Variants in FUT8 observed in about 807,000 individuals in gnomAD.
FUT8 encodes the protein alpha-(1,6)-fucosyltransferase.
A neutral mutation model predicts 71.3 loss-of-function variants in FUT8; 29 were observed. The observed-to-expected ratio is 0.41, with a 90% CI of 0.30 to 0.55. The LOEUF is 0.55. FUT8 is among the 20% of genes least tolerant of loss of function. The pLI is 0.34. For synonymous variants in FUT8, 254 were observed against 239.3 expected (o/e 1.06, Z -0.57); for missense variants, 544 against 702.1 (o/e 0.77, Z 2.55).
rs939324299 is a variant in FUT8 at position 65,603,963 on chromosome 14, A to G, written c.204-12015A>G. Among the ~76,000 whole-genome samples the G allele has an allele frequency of 1.5e-4, 23 of 151,796 alleles. No homozygotes were observed. The highest frequency in any genetic ancestry group is 1.5e-5 in the Non-Finnish European group (1 of 67,898). On this transcript the variant is annotated intron_variant, in intron 3 of 10. Transcript: ENST00000673929. The surrounding 1 kb of genome is among the most constrained non-coding windows in gnomAD (Gnocchi z 4.5). ...AGCGAGCAGGAGTAGCTATTCTTAC[A>G]TCAGACAAAACAAAAAACAACAGCA...
chr14:65,729,861 A>T lies in FUT8; in HGVS notation c.1260-3370A>T, dbSNP rs565908292. ...GGTAGTCCAGGCAGCAATTTTCTCC[A>T]TATTCTGTTATAAATATAGTAGTAG... is the stretch of plus-strand genomic sequence containing the variant. On this transcript the variant is annotated intron_variant, in intron 9 of 10. Coordinates refer to ENST00000673929, the MANE Select transcript of FUT8 (RefSeq NM_001371533.1). Among the ~76,000 whole-genome samples, 4 of 152,082 alleles carry T rather than the reference A, an allele frequency of 2.6e-5. No individual in the cohort carries two copies. The South Asian group carries it at 8.3e-4, about 32-fold the overall frequency.
intron 2 of FUT8, among the ~76,000 whole-genome samples, chr14:65,461,077 T>C (rs1397640270): frequency 6.6e-6 from 1 of 152,218 alleles, no homozygotes; most frequent in Non-Finnish European, 1.5e-5. Context: ...AGCAGAAATT[T>C]ATTCTTTCAG....
At chr14:65,411,047 A>G (rs1024925538), upstream of FUT8, 2 of 152,262 alleles carry the variant, frequency 1.3e-5, no homozygotes, top group East Asian at 3.8e-4. Context: ...TTAATCCCAC[A>G]TAAGTCTAAA....
At chr14:65,487,225 A>T (rs1712531565) in intron 2 of FUT8, among the ~76,000 whole-genome samples, 1 of 152,146 alleles carries the variant, frequency 6.6e-6, no homozygotes, top group East Asian at 1.9e-4. Flanking sequence ...AGGAGGGGAG[A>T]ATTGATCATG....
At chr14:65,633,440 C>A (rs1890326077) in intron 6 of FUT8, among the ~76,000 whole-genome samples, 1 of 151,522 alleles carries the variant, frequency 6.6e-6, no homozygotes, top group African/African-American at 2.4e-5. Context: ...CTGGCCGCCA[C>A]CCCGTCTGGG....
chr14:65,654,318 G>A (rs918342933), intron 6 of FUT8, among the ~76,000 whole-genome samples: 1 of 152,188 alleles, frequency 6.6e-6, no homozygotes, highest in South Asian at 2.1e-4. Context: ...GCCAGGCACG[G>A]TGGAGCACGC....
At chr14:65,621,913 C>A (rs1393700096) in intron 5 of FUT8, among the ~76,000 whole-genome samples, 2 of 152,134 alleles carry the variant, frequency 1.3e-5, no homozygotes, top group Admixed American at 1.3e-4. Context: ...CAACCTCCGC[C>A]TCCCAGGTTC....
intron 2 of FUT8, among the ~76,000 whole-genome samples, chr14:65,516,922 G>T (rs1336163394): frequency 6.7e-6 from 1 of 150,102 alleles, no homozygotes; most frequent in African/African-American, 2.5e-5. Flanking sequence ...CTCTCTCTCT[G>T]ATTTTGACTA....
intron 3 of FUT8, among the ~76,000 whole-genome samples, chr14:65,576,739 A>C (rs1316911581): frequency 2.8e-5 from 2 of 70,794 alleles, no homozygotes; most frequent in South Asian, 9.7e-4. Flanking sequence ...TTTTTTTTTG[A>C]GACAGAGTCT....
chr14:65,509,139 CA>C (rs1882170316), intron 2 of FUT8, among the ~76,000 whole-genome samples: 1 of 152,036 alleles, frequency 6.6e-6, no homozygotes, highest in African/African-American at 2.4e-5. Flanking sequence ...CATTCTTCTG[CA>C]TATATATATC....
In FUT8 at chr14:65,472,932, A is replaced by G. The variant is rs1444989702; in HGVS notation, c.-228+17214A>G. On this transcript the variant is annotated intron_variant, in intron 2 of 10. Coordinates refer to ENST00000673929, the MANE Select transcript of FUT8 (RefSeq NM_001371533.1). The surrounding 1 kb of genome is among the most constrained non-coding windows in gnomAD (Gnocchi z 4.4). ...TAAGATATAATTTTATTTTCTTTAG[A>G]AAACTTTACATTGAAAAGATCACAT... Among the ~76,000 whole-genome samples, 1 of 152,168 alleles carries G rather than the reference A, an allele frequency of 6.6e-6. No individual in the cohort carries two copies. The highest frequency in any genetic ancestry group is 1.5e-5 in the Non-Finnish European group (1 of 68,022).
intron 2 of FUT8, among the ~76,000 whole-genome samples, chr14:65,477,697 C>T (rs1436741460): frequency 2.0e-5 from 3 of 151,892 alleles, no homozygotes; most frequent in Non-Finnish European, 4.4e-5. Context: ...AATTCTGGCA[C>T]GGGTTAGATT....
At chr14:65,576,960 C>G (rs1244051510) in intron 3 of FUT8, among the ~76,000 whole-genome samples, 1 of 151,724 alleles carries the variant, frequency 6.6e-6, no homozygotes, top group Non-Finnish European at 1.5e-5. Flanking sequence ...ACCTAGGCCT[C>G]CCAAAGTGCT....
rs146220911 is a variant in FUT8, at chr14:65,713,153, C to A, written c.836-8622C>A. Among the ~76,000 whole-genome samples the A allele has an allele frequency of 2.6e-5, 4 of 152,286 alleles. No individual in the cohort carries two copies. The East Asian group carries it at 7.7e-4, about 29-fold the overall frequency. On this transcript the variant is annotated intron_variant, in intron 7 of 10. Coordinates refer to ENST00000673929, the MANE Select transcript of FUT8 (RefSeq NM_001371533.1). ...GCTCCCACAAATAAGTGAGAACATG[C>A]CAAGTTTGTCTTTCTGTGCCTGGCT...
intron 2 of FUT8, among the ~76,000 whole-genome samples, chr14:65,465,912 T>C (rs2139605535): frequency 6.6e-6 from 1 of 152,382 alleles, no homozygotes; most frequent in Middle Eastern, 3.4e-3. Context: ...CTTGTAGTTC[T>C]ATCAGTTTTT....
At chr14:65,599,777 G>A (rs1888202003) in intron 3 of FUT8, among the ~76,000 whole-genome samples, 1 of 152,116 alleles carries the variant, frequency 6.6e-6, no homozygotes, top group Non-Finnish European at 1.5e-5. Context: ...GTGTGAATTG[G>A]CACATAACCA....
In FUT8 at chr14:65,638,026, A is replaced by G. The variant is rs914088299; in HGVS notation, c.597+8420A>G. Among the ~76,000 whole-genome samples the G allele has an allele frequency of 2.6e-5, 4 of 152,224 alleles. No homozygotes were observed. Among genetic ancestry groups the G allele is most frequent in the African/African-American group, 9.6e-5 (4 of 41,456 alleles). ...ATGACATAATGAGCTTGGTCAAGTTAACAACATTTAGGTTGATTTATTGCA... is the reference window on the plus strand; with the variant it reads ...ATGACATAATGAGCTTGGTCAAGTTGACAACATTTAGGTTGATTTATTGCA... On this transcript the variant is annotated intron_variant, in intron 6 of 10. Transcript: ENST00000673929. This position sits in a 1 kb window ranked among gnomAD's most constrained non-coding sequence, Gnocchi z 4.5.
In FUT8 at chr14:65,482,656, C is replaced by T. The variant is rs552464135; in HGVS notation, c.-228+26938C>T. Among the ~76,000 whole-genome samples the T allele has an allele frequency of 3.3e-5, 5 of 152,238 alleles. No homozygotes were observed. In the East Asian group the frequency reaches 5.8e-4, roughly 18 times the overall value. On this transcript the variant is annotated intron_variant, in intron 2 of 10. Transcript: ENST00000673929. The stretch of plus-strand genomic sequence containing the variant: ...GTCATGAAATCGGGTCACGTTAACC[C>T]ATACAACTGCTTGTTCCTTTTCAGA...
intron 5 of FUT8, among the ~76,000 whole-genome samples, chr14:65,619,309 G>C (rs948409168): frequency 1.3e-5 from 2 of 152,150 alleles, no homozygotes; most frequent in African/African-American, 4.8e-5. Flanking sequence ...CTGTAGGTTA[G>C]TGACCCCATC....
Sources: gnomAD v4.1 joint callset for allele counts (sites outside exome capture counted in the v4.1 genomes callset) on GRCh38, gnomAD v4.1.1 for gene constraint, Gnocchi (gnomAD v3.1) non-coding constraint, MANE v1.5 for transcripts, NCBI Gene and HGNC (gene_info 2026-07-23, HGNC 2026-07-21) for gene names.